ADGRG1: variants seen among roughly 807,000 people sequenced by gnomAD.
The protein encoded by ADGRG1 is 7-transmembrane protein with no EGF-like N-terminal domains-1.
Under a neutral mutation model 73.5 loss-of-function variants are expected in ADGRG1, and 53 were observed. The ratio of observed to expected loss-of-function variants is 0.72; its 90% confidence interval spans 0.58 to 0.91. The LOEUF is 0.91. ADGRG1 is among the 40% of genes least tolerant of loss of function. The probability of loss-of-function intolerance (pLI) is 0.00; values close to 1 mark genes in which losing one functional copy is unlikely to be tolerated. For missense variants in ADGRG1, 795 were observed against 871.8 expected (o/e 0.91, Z 1.11); for synonymous variants, 394 against 374.4 (o/e 1.05, Z -0.60).
rs886141457 is a variant in ADGRG1, at chr16:57,662,032, A to C, written c.1933+67A>C. 3.7e-5 allele frequency: 49 copies of C among 1,313,242 alleles called. 1 individual carries two copies. The Middle Eastern group carries it at 1.3e-3, about 34-fold the overall frequency. The allele number at this position is 1,313,242 out of a possible 1,614,324, so 81.3% of individuals were successfully genotyped here. On this transcript the variant is annotated intron_variant, in intron 13 of 13. Transcript: ENST00000562631. ...CACATGGAGCAAGGGCAGGGAAGAGATCACCCAGGGAACCTGAAGACTTCC... is the reference window on the plus strand; with the variant it reads ...CACATGGAGCAAGGGCAGGGAAGAGCTCACCCAGGGAACCTGAAGACTTCC...
At position 57,631,108 on chromosome 16, in the gene ADGRG1, T is replaced by G. The variant is rs556198559; in HGVS notation, c.-36+2306T>G. 25 of 382,970 alleles carry G rather than the reference T, an allele frequency of 6.5e-5. No homozygotes were observed. In the East Asian group the frequency reaches 2.7e-3, roughly 41 times the overall value. The allele number at this position is 382,970 out of a possible 1,614,324, so 23.7% of individuals were successfully genotyped here. On this transcript the variant is annotated intron_variant, in intron 1 of 13. Transcript: ENST00000562631. ...TGGCCAGGCAGTCCCAGTCTCTGGC[T>G]GCTGGGTTAAGGCTCAAGCTTGGGA...
intron 3 of ADGRG1, chr16:57,652,817 G>A: frequency 9.0e-7 from 1 of 1,109,064 alleles, no homozygotes; most frequent in Non-Finnish European, 1.1e-6. Context: ...AGGGGCCCGA[G>A]CCTGGAGTCA....
intron 1 of ADGRG1, chr16:57,633,130 TCTGGACCCGTTTCC>T (rs1469620551): frequency 1.8e-4 from 58 of 329,344 alleles, no homozygotes; most frequent in Non-Finnish European, 2.2e-4. Context: ...TGACAGCTTC[TCTGGACCCGTTTCC>T]CTGCCTGTAA....
intron 1 of ADGRG1, among the ~76,000 whole-genome samples, chr16:57,644,574 A>G (rs1347979096): frequency 7.2e-6 from 1 of 139,084 alleles, no homozygotes; most frequent in Non-Finnish European, 1.5e-5. Context: ...CTTATGCACA[A>G]GCACACACAC....
chr16:57,648,325 A>AT lies in ADGRG1; in HGVS notation c.-35-1928_-35-1927insT, dbSNP rs2043182801. On this transcript the variant is annotated intron_variant, in intron 1 of 13. Transcript: ENST00000562631. ...GGTGGCAGGAGGCAGTTTCAAAAGG[A>AT]ATCAAAATGCTTACAAATCACAACC... The AT allele has an allele frequency of 8.9e-6, 3 of 338,370 alleles. No individual in the cohort carries two copies. The Admixed American group carries it at 1.9e-4, about 22-fold the overall frequency. 21.0% of individuals were successfully genotyped at this position (338,370 alleles called of 1,614,324 possible). A position where few individuals can be genotyped will look rare whatever the true frequency, so the allele number is the denominator to read the frequency against.
chr16:57,637,314 T>C (rs2039605785), intron 1 of ADGRG1: 2 of 985,316 alleles, frequency 2.0e-6, no homozygotes, highest in African/African-American at 3.5e-5. Flanking sequence ...TGGGCAGCAA[T>C]GAGCTATTGC....
intron 7 of ADGRG1, 33 bp downstream of exon 7, chr16:57,656,025 G>C: frequency 1.2e-6 from 2 of 1,613,720 alleles, no homozygotes; most frequent in South Asian, 1.1e-5. Flanking sequence ...GAGAACAAGC[G>C]CCCCTCGGCC....
rs1459319802 is a variant in ADGRG1 at position 57,656,695 on chromosome 16, A to C, written c.1167+78A>C. 3.2e-5 allele frequency: 27 copies of C among 855,638 alleles called. No homozygotes were observed. The East Asian group carries it at 6.5e-4, about 21-fold the overall frequency. 53.0% of individuals were successfully genotyped at this position (855,638 alleles called of 1,614,324 possible). A position where few individuals can be genotyped will look rare whatever the true frequency, so the allele number is the denominator to read the frequency against. ...CTGTGCAAGCACTTTTCATATATTC[A>C]GTCATTTATTCCTCATAACAGCTCT... On this transcript the variant is annotated intron_variant, in intron 9 of 13. Coordinates refer to ENST00000562631, the MANE Select transcript of ADGRG1 (RefSeq NM_201525.4).
chr16:57,663,420 A>T (rs771326310), intron 13 of ADGRG1, 32 bp from the exon 14 acceptor site: 73 of 1,612,472 alleles, frequency 4.5e-5, no homozygotes, highest in Non-Finnish European at 5.7e-5. Flanking sequence ...GGGCTCCCCC[A>T]CCTGCTGACC....
At chr16:57,629,311 C>A in intron 1 of ADGRG1, 1 of 262,804 alleles carries the variant, frequency 3.8e-6, no homozygotes, top group Non-Finnish European at 5.9e-6. Context: ...GGCTCCCAGG[C>A]ATTTTGTTGC....
At chr16:57,628,997 TGTGA>T (rs1420141864) in intron 1 of ADGRG1, 195 bp downstream of exon 1, 14 of 483,132 alleles carry the variant, frequency 2.9e-5, no homozygotes, top group East Asian at 2.0e-4. Flanking sequence ...AGAATGTGAG[TGTGA>T]GTGTGAGAGT....
chr16:57,635,298 G>A, intron 1 of ADGRG1: 1 of 985,280 alleles, frequency 1.0e-6, no homozygotes, highest in South Asian at 4.7e-5. Context: ...TGGCTGTCCT[G>A]GCCACACCTT....
At position 57,663,614 on chromosome 16, in the gene ADGRG1, A is replaced by C. The variant is rs763176463; in HGVS notation, c.*32A>C. On this transcript the variant is annotated 3_prime_UTR_variant, in exon 14 of 14. Coordinates refer to ENST00000562631, the MANE Select transcript of ADGRG1 (RefSeq NM_201525.4). ...AGCCCACCTGCCCATGTGATGAAGC[A>C]GAGATTCGGCCTCGTCGCACACTGC... The C allele has an allele frequency of 3.7e-6, 6 of 1,608,654 alleles. No individual in the cohort carries two copies. Among genetic ancestry groups the C allele is most frequent in the Non-Finnish European group, 5.1e-6 (6 of 1,178,900 alleles).
At chr16:57,662,396 T>TC (rs1274264941) in intron 13 of ADGRG1, among the ~76,000 whole-genome samples, 6 of 142,318 alleles carry the variant, frequency 4.2e-5, no homozygotes, top group Admixed American at 7.0e-5. Flanking sequence ...AAGAGAAGGA[T>TC]CCCCCCATGG....
chr16:57,653,664 C>T (rs1370544970), intron 4 of ADGRG1: 10 of 891,662 alleles, frequency 1.1e-5, no homozygotes, highest in African/African-American at 3.6e-5. Context: ...TTGGCACAGG[C>T]GGAGCTGGGC....
At chr16:57,628,274 G>A (rs574690694), upstream of ADGRG1, 1 of 786,762 alleles carries the variant, frequency 1.3e-6, no homozygotes, top group Admixed American at 6.2e-5. Flanking sequence ...CAAGGGCCCT[G>A]TTGCCGTGGC....
In ADGRG1 at chr16:57,650,488, CAA is replaced by C. The variant is rs1440052974; in HGVS notation, c.64+140_64+141del. On this transcript the variant is annotated intron_variant, in intron 2 of 13. Transcript: ENST00000562631. ...TAGTGGAGGGTACCTTGGAGAAAAG[CAA>C]AAGACACTCCTTCCTTCTGGCAGGT... 1.1e-5 allele frequency: 17 copies of C among 1,501,032 alleles called. No individual in the cohort carries two copies. The African/African-American group carries it at 2.2e-4, about 20-fold the overall frequency. 93.0% of individuals were successfully genotyped at this position (1,501,032 alleles called of 1,614,324 possible). A position where few individuals can be genotyped will look rare whatever the true frequency, so the allele number is the denominator to read the frequency against.
intron 1 of ADGRG1, chr16:57,647,286 C>A (rs145210254): frequency 4.0e-5 from 39 of 985,196 alleles, no homozygotes; most frequent in Non-Finnish European, 4.6e-5. Flanking sequence ...TGCACTCTCC[C>A]GGAAAGGAAG....
At chr16:57,633,243 C>T (rs1360818019) in intron 1 of ADGRG1, 1 of 863,532 alleles carries the variant, frequency 1.2e-6, no homozygotes, top group Admixed American at 6.2e-5. Flanking sequence ...CAGTGCATGA[C>T]TTCAAGAGGT....
Sources: allele counts gnomAD v4.1 joint callset (sites outside exome capture counted in the v4.1 genomes callset), GRCh38; gene constraint gnomAD v4.1.1; transcripts MANE v1.5; gene names NCBI Gene and HGNC (gene_info 2026-07-23, HGNC 2026-07-21).